The following SPTLC3 variants were observed in gnomAD, a reference collection of about 807,000 sequenced individuals.
SPTLC3 encodes the protein serine palmitoyltransferase 3.
Under a neutral mutation model 59.3 loss-of-function variants are expected in SPTLC3, and 36 were observed. That is an observed-to-expected ratio of 0.61 (90% CI 0.47 to 0.80). SPTLC3 has a LOEUF of 0.80. SPTLC3 is among the 30% of genes least tolerant of loss of function. The pLI is 0.00. For synonymous variants in SPTLC3, 257 were observed against 240.8 expected, an observed-to-expected ratio of 1.07 and a Z score of -0.62; for missense variants, 625 against 685.1, an observed-to-expected ratio of 0.91 and a Z score of 0.98.
rs141606584 is a variant in SPTLC3, at chr20:13,137,279, G to A, written c.1279+10562G>A. ...AGTACTCAAAGCTTTCCATCTGTGGGGAAGTTGTTGCCTTGGCTGTAGAAT... is the reference window on the plus strand; with the variant it reads ...AGTACTCAAAGCTTTCCATCTGTGGAGAAGTTGTTGCCTTGGCTGTAGAAT... On this transcript the variant is annotated intron_variant, in intron 9 of 11. Transcript: ENST00000399002. Among the ~76,000 whole-genome samples the A allele has an allele frequency of 3.4e-3, 515 of 152,250 alleles. 3 individuals carry two copies. Among genetic ancestry groups the A allele is most frequent in the Non-Finnish European group, 5.7e-3 (388 of 68,016 alleles).
rs2039010618 is a variant in SPTLC3, at chr20:13,168,346, G to C, written c.*3479G>C. ...TTACAGGCATGTGCCACCAAGCATG[G>C]CTAATTTTCTATTTTTAGTAGAGAC... On this transcript the variant is annotated 3_prime_UTR_variant, in exon 12 of 12. Coordinates refer to ENST00000399002, the MANE Select transcript of SPTLC3 (RefSeq NM_018327.4). 6.6e-6 allele frequency: 1 copy of C among 152,048 alleles called. No homozygotes were observed. The highest frequency in any genetic ancestry group is 2.4e-5 in the African/African-American group (1 of 41,372). 9.4% of individuals were successfully genotyped at this position (152,048 alleles called of 1,614,324 possible). A position where few individuals can be genotyped will look rare whatever the true frequency, so the allele number is the denominator to read the frequency against.
intron 3 of SPTLC3, chr20:13,073,701 T>G: frequency 2.4e-6 from 1 of 419,564 alleles, no homozygotes; most frequent in Non-Finnish European, 4.7e-6. Context: ...TGTTCATTGC[T>G]GCAGCTTCAG....
intron 8 of SPTLC3, among the ~76,000 whole-genome samples, chr20:13,123,845 G>C (rs952770372): frequency 4.6e-5 from 7 of 151,688 alleles, no homozygotes; most frequent in Admixed American, 1.3e-4. Context: ...CCAATTCCCA[G>C]GACCCACCCA....
intron 2 of SPTLC3, chr20:13,050,163 A>G (rs1009930037): frequency 1.3e-5 from 2 of 152,254 alleles, no homozygotes; most frequent in African/African-American, 4.8e-5. Flanking sequence ...GCAAAGCCCA[A>G]TGCAAGAAAA....
rs915684633 is a variant in SPTLC3, at chr20:13,093,708, A to G, written c.826+131A>G. The G allele has an allele frequency of 3.5e-5, 26 of 743,370 alleles. No individual in the cohort carries two copies. In the South Asian group the frequency reaches 4.9e-4, roughly 14 times the overall value. The allele number at this position is 743,370 out of a possible 1,614,324, so 46.0% of individuals were successfully genotyped here. A position where few individuals can be genotyped will look rare whatever the true frequency, so the allele number is the denominator to read the frequency against. On this transcript the variant is annotated intron_variant, in intron 6 of 11. Transcript: ENST00000399002. The stretch of plus-strand genomic sequence containing the variant: ...ATGAAACACAATTATGTTTATATTC[A>G]CTCCTGGCTTGTTAACCTCTGGTGA...
chr20:13,021,103 G>A (rs1207748427), intron 1 of SPTLC3, among the ~76,000 whole-genome samples: 1 of 152,100 alleles, frequency 6.6e-6, no homozygotes, highest in Non-Finnish European at 1.5e-5. Flanking sequence ...TGACCTGTCT[G>A]CAGCATTAGT....
At chr20:13,110,289 C>A in intron 7 of SPTLC3, 72 bp downstream of exon 7, 7 of 1,250,826 alleles carry the variant, frequency 5.6e-6, no homozygotes, top group Non-Finnish European at 8.0e-6. Context: ...AAAGGCTCAC[C>A]TTTCCTAGCT....
chr20:13,061,289 T>C (rs1987962777), intron 2 of SPTLC3, among the ~76,000 whole-genome samples: 2 of 152,298 alleles, frequency 1.3e-5, no homozygotes, highest in East Asian at 1.9e-4. Context: ...TGTGAAATTA[T>C]GCAGGCAAGC....
At position 13,073,745 on chromosome 20, in the gene SPTLC3, C is replaced by G; in HGVS notation, c.459-604C>G. ...TGACGCCTGAACTGCCAACAGTATCCATTATTCCAGACACGGTCCAAAGAG... is the reference window on the plus strand; with the variant it reads ...TGACGCCTGAACTGCCAACAGTATCGATTATTCCAGACACGGTCCAAAGAG... On this transcript the variant is annotated intron_variant, in intron 3 of 11. Transcript: ENST00000399002. 5.5e-6 allele frequency: 3 copies of G among 546,082 alleles called. No homozygotes were observed. In the Admixed American group the frequency reaches 7.3e-5, roughly 13 times the overall value. 33.8% of individuals were successfully genotyped at this position (546,082 alleles called of 1,614,324 possible).
chr20:13,034,703 A>G (rs1207936725), intron 1 of SPTLC3, among the ~76,000 whole-genome samples: 1 of 152,164 alleles, frequency 6.6e-6, no homozygotes, highest in Non-Finnish European at 1.5e-5. Flanking sequence ...ACCATCACAC[A>G]TAAAATTAAA....
chr20:13,137,593 A>T (rs536623199), intron 9 of SPTLC3, among the ~76,000 whole-genome samples: 2 of 152,280 alleles, frequency 1.3e-5, no homozygotes, highest in African/African-American at 4.8e-5. Context: ...TCTGCTGAGA[A>T]CATCAGAGAG....
rs1453889621 is a variant in SPTLC3 at position 13,117,557 on chromosome 20, A to G, written c.984A>G (p.Lys328=). Residue 328 remains lysine, a synonymous_variant, in exon 8 of 12, where the codon AAA becomes AAG. Coordinates refer to ENST00000399002, the MANE Select transcript of SPTLC3 (RefSeq NM_018327.4). The part of the protein sequence containing the change: ...HLPQIIALKK[K]YKAYLYIDEA... ...CCCAGATCATAGCTCTAAAGAAGAA[A>G]TACAAGGCTTACCTCTACATAGATG... The G allele has an allele frequency of 6.2e-7, 1 of 1,612,560 alleles. No homozygotes were observed.
intron 11 of SPTLC3, 159 bp from the exon 12 acceptor site, chr20:13,164,595 A>C: frequency 3.2e-6 from 2 of 628,258 alleles, no homozygotes; most frequent in Non-Finnish European, 5.7e-6. Flanking sequence ...GTCTTAAACC[A>C]CAACCTAATG....
intron 4 of SPTLC3, among the ~76,000 whole-genome samples, chr20:13,083,403 G>C (rs1044129242): frequency 4.6e-5 from 7 of 152,138 alleles, no homozygotes; most frequent in Non-Finnish European, 1.0e-4. Context: ...AGGGGCCTAT[G>C]TATTAATCTT....
Position 13,063,462 on chromosome 20 carries a change from T to G in SPTLC3, c.304-8794T>G, listed in dbSNP as rs1411028633. 4.6e-5 allele frequency among the ~76,000 whole-genome samples: 7 copies of G among 152,098 alleles called. No individual in the cohort carries two copies. The East Asian group carries it at 1.4e-3, about 29-fold the overall frequency. ...TTAGTTTTGATGTTAGTTTTCTTTT[T>G]TTCTCTTTGGGAAGGGGTGTTAGTC... On this transcript the variant is annotated intron_variant, in intron 2 of 11. Coordinates refer to ENST00000399002, the MANE Select transcript of SPTLC3 (RefSeq NM_018327.4).
At chr20:13,107,123 G>A (rs1447902629) in intron 6 of SPTLC3, among the ~76,000 whole-genome samples, 1 of 152,160 alleles carries the variant, frequency 6.6e-6, no homozygotes, top group Non-Finnish European at 1.5e-5. Context: ...TGCGTTATGG[G>A]TTCCAGACCC....
intron 1 of SPTLC3, among the ~76,000 whole-genome samples, chr20:13,040,164 G>T (rs1986915996): frequency 7.9e-5 from 12 of 151,486 alleles, no homozygotes; most frequent in Admixed American, 7.9e-4. Flanking sequence ...TTATTCATTA[G>T]TTGCTGTGGA....
chr20:13,065,279 T>TCC (rs1381765467), intron 2 of SPTLC3, among the ~76,000 whole-genome samples: 1 of 151,482 alleles, frequency 6.6e-6, no homozygotes, highest in Non-Finnish European at 1.5e-5. Flanking sequence ...TTTTTTTTTT[T>TCC]TTCTAAAGTG....
chr20:13,133,514 A>G (rs1401266692), intron 9 of SPTLC3, among the ~76,000 whole-genome samples: 1 of 152,158 alleles, frequency 6.6e-6, no homozygotes, highest in African/African-American at 2.4e-5. Context: ...TGAGTGGATC[A>G]CTTGAGGTCA....
Sources: gnomAD v4.1 joint callset for allele counts (sites outside exome capture counted in the v4.1 genomes callset) on GRCh38, gnomAD v4.1.1 for gene constraint, MANE v1.5 for transcripts, NCBI Gene and HGNC (gene_info 2026-07-23, HGNC 2026-07-21) for gene names.